Variants in CLCF1 observed in about 807,000 individuals in gnomAD.
CLCF1 encodes the protein cardiotrophin like cytokine factor 1, also known as cardiotrophin-like cytokine factor 1.
In CLCF1, 10 loss-of-function variants were observed where a neutral mutation model predicts 21.2. That is an observed-to-expected ratio of 0.47 (90% confidence interval 0.29 to 0.80). The LOEUF (loss-of-function observed/expected upper bound fraction) is 0.80, where lower values mean the gene tolerates loss of function less well. CLCF1 is among the 30% of genes least tolerant of loss of function. The probability of loss-of-function intolerance (pLI) is 0.09; values close to 1 mark genes in which losing one functional copy is unlikely to be tolerated. For synonymous variants in CLCF1, 115 were observed against 120.5 expected (o/e 0.95, Z 0.30); for missense variants, 240 against 293.4 (o/e 0.82, Z 1.33).
chr11:67,367,841 C>T (rs959399691), intron 1 of CLCF1: 13 of 985,290 alleles, frequency 1.3e-5, no homozygotes, highest in South Asian at 4.7e-5. Flanking sequence ...GGACTTGGCA[C>T]GCATGAGTGT....
Position 67,372,983 on chromosome 11 carries a change from C to T in CLCF1, c.16+541G>A, listed in dbSNP as rs1046627397. ...CCGTCCGGCCCGGCCCAGCCAGGCT[C>T]GGCGCTGCCCTCCGCCCTCCTCTCC... On this transcript the variant is annotated intron_variant, in intron 1 of 2. Coordinates refer to ENST00000312438, the MANE Select transcript of CLCF1 (RefSeq NM_013246.3). The surrounding 1 kb of genome is among the most constrained non-coding windows in gnomAD (Gnocchi z 5.9). 6.6e-6 allele frequency among the ~76,000 whole-genome samples: 1 copy of T among 150,620 alleles called. No individual in the cohort carries two copies. Among genetic ancestry groups the T allele is most frequent in the Non-Finnish European group, 1.5e-5 (1 of 67,400 alleles).
chr11:67,365,329 A>G lies in CLCF1; in HGVS notation c.485T>C (p.Leu162Pro). The G allele has an allele frequency of 6.2e-7, 1 of 1,613,712 alleles. No homozygotes were observed. Among genetic ancestry groups the G allele is most frequent in the Non-Finnish European group, 8.5e-7 (1 of 1,179,978 alleles). The change falls in exon 3 of 3, where the codon CTG becomes CCG. Residue 162 changes from leucine (L) to proline (P), a missense_variant. By Grantham distance (98) the Leu-to-Pro change is moderately conservative (BLOSUM62 -3). Coordinates refer to ENST00000312438, the MANE Select transcript of CLCF1 (RefSeq NM_013246.3). The surrounding 1 kb of genome is among the most constrained non-coding windows in gnomAD (Gnocchi z 5.0). ...AALGYPLPQPLPGTEPTWTPG... is the reference protein window; with the variant it reads ...AALGYPLPQPPPGTEPTWTPG... ...AGTCCAAGTGGGTTCAGTCCCAGGC[A>G]GCGGCTGGGGCAGTGGGTAGCCCAG... is the stretch of plus-strand genomic sequence containing the variant.
chr11:67,373,402 C>T (rs1590919476), intron 1 of CLCF1, 122 bp downstream of exon 1: 1 of 487,226 alleles, frequency 2.1e-6, no homozygotes, highest in Non-Finnish European at 3.4e-6. Flanking sequence ...CTCCCCCGGC[C>T]CGAGCCCAGC....
intron 1 of CLCF1, chr11:67,369,041 C>T (rs1011378801): frequency 6.1e-6 from 6 of 981,142 alleles, no homozygotes; most frequent in African/African-American, 5.4e-5. Flanking sequence ...ATAGGTATAA[C>T]GCTTTGCCCA....
intron 1 of CLCF1, chr11:67,370,372 G>GTCCCCCTC: frequency 1.0e-6 from 1 of 984,926 alleles, no homozygotes; most frequent in African/African-American, 1.7e-5. Flanking sequence ...TGTGTCCTAG[G>GTCCCCCTC]TCCCCCTCTC....
chr11:67,369,401 C>T (rs761026082), intron 1 of CLCF1: 29 of 985,398 alleles, frequency 2.9e-5, no homozygotes, highest in Non-Finnish European at 3.4e-5. Flanking sequence ...GAGACCAGCT[C>T]ACCCTTTCCT....
intron 1 of CLCF1, 51 bp from the exon 2 acceptor site, chr11:67,367,677 G>C (rs1403252518): frequency 1.3e-6 from 2 of 1,577,924 alleles, no homozygotes; most frequent in South Asian, 1.1e-5. Flanking sequence ...CCCACACGGG[G>C]AAGCAGCTGG....
At chr11:67,366,695 C>T (rs1047281699) in intron 2 of CLCF1, among the ~76,000 whole-genome samples, 14 of 151,980 alleles carry the variant, frequency 9.2e-5, no homozygotes, top group Admixed American at 7.2e-4. Context: ...CTGACAAGCA[C>T]AGAGACAAAC....
At position 67,365,151 on chromosome 11, in the gene CLCF1, C is replaced by T. The variant is rs1217607456; in HGVS notation, c.663G>A (p.Gly221=). The part of the protein sequence containing the change: ...PPAAAVTLHL[G]AHGF ...AGGTCAGAAGTCAGAAGCCATGAGCCCCCAGGTGCAGGGTGACTGCAGCTG... is the reference window on the plus strand; with the variant it reads ...AGGTCAGAAGTCAGAAGCCATGAGCTCCCAGGTGCAGGGTGACTGCAGCTG... Residue 221 remains glycine (G), a synonymous_variant, in exon 3 of 3, where the codon GGG becomes GGA. Transcript: ENST00000312438. The surrounding 1 kb of genome is among the most constrained non-coding windows in gnomAD (Gnocchi z 5.0). 3 of 1,610,176 alleles carry T rather than the reference C, an allele frequency of 1.9e-6. No individual in the cohort carries two copies. Among genetic ancestry groups the T allele is most frequent in the African/African-American group, 2.8e-5 (2 of 71,842 alleles).
rs900054166 is a variant in CLCF1 at position 67,370,513 on chromosome 11, C to T, written c.17-2887G>A. ...TCCGGCTGAGCACGTGAGGAGCTAA[C>T]GAGTACAGCTCACGTTTCCTGCAAC... is the stretch of plus-strand genomic sequence containing the variant. On this transcript the variant is annotated intron_variant, in intron 1 of 2. Transcript: ENST00000312438. 1.2e-4 allele frequency: 121 copies of T among 984,646 alleles called. No homozygotes were observed. The African/African-American group carries it at 1.9e-3, about 15-fold the overall frequency. The allele number at this position is 984,646 out of a possible 1,614,324, so 61.0% of individuals were successfully genotyped here. A position where few individuals can be genotyped will look rare whatever the true frequency, so the allele number is the denominator to read the frequency against.
At chr11:67,370,996 T>A (rs1862220064) in intron 1 of CLCF1, 1 of 985,258 alleles carries the variant, frequency 1.0e-6, no homozygotes, top group Non-Finnish European at 1.2e-6. Context: ...GGACCAGCGC[T>A]GGCTGCGGTT....
At chr11:67,370,049 G>C (rs1163187287) in intron 1 of CLCF1, 8 of 985,246 alleles carry the variant, frequency 8.1e-6, no homozygotes, top group Non-Finnish European at 9.6e-6. Context: ...GGATCCGACG[G>C]CCCACAGAAC....
At chr11:67,367,386 C>G (rs997948961) in intron 2 of CLCF1, 74 bp downstream of exon 2, 17 of 1,610,226 alleles carry the variant, frequency 1.1e-5, no homozygotes, top group Non-Finnish European at 1.4e-5. Context: ...TACCAGAACC[C>G]TCCACGGTTA....
chr11:67,365,689 A>G lies in CLCF1; in HGVS notation c.184-59T>C, dbSNP rs923612988. The G allele has an allele frequency of 2.0e-6, 3 of 1,531,256 alleles. No homozygotes were observed. Among genetic ancestry groups the G allele is most frequent in the African/African-American group, 1.4e-5 (1 of 72,224 alleles). The allele number at this position is 1,531,256 out of a possible 1,614,324, so 94.9% of individuals were successfully genotyped here. On this transcript the variant is annotated intron_variant, in intron 2 of 2. Transcript: ENST00000312438. This position sits in a 1 kb window ranked among gnomAD's most constrained non-coding sequence, Gnocchi z 5.0. ...GGGCAGAGCCGCTGGCTCACCACCA[A>G]GGAGATACCTGCTCCCAAAGTTTCT... is the stretch of plus-strand genomic sequence containing the variant.
At chr11:67,370,077 T>G in intron 1 of CLCF1, 1 of 985,186 alleles carries the variant, frequency 1.0e-6, no homozygotes, top group Non-Finnish European at 1.2e-6. Context: ...AGGGAAGGGT[T>G]CTCAGGAATC....
rs914649756 is a variant in CLCF1 at position 67,370,068 on chromosome 11, G to A, written c.17-2442C>T. On this transcript the variant is annotated intron_variant, in intron 1 of 2. Transcript: ENST00000312438. Reference sequence around the variant, plus strand: ...CCGACGGCCCACAGAACCAGAAAGAGGGAAGGGTTCTCAGGAATCCAGAGG... The same window carrying A: ...CCGACGGCCCACAGAACCAGAAAGAAGGAAGGGTTCTCAGGAATCCAGAGG... The A allele has an allele frequency of 9.1e-6, 9 of 985,410 alleles. No homozygotes were observed. In the African/African-American group the frequency reaches 1.4e-4, roughly 15 times the overall value. 61.0% of individuals were successfully genotyped at this position (985,410 alleles called of 1,614,324 possible). A position where few individuals can be genotyped will look rare whatever the true frequency, so the allele number is the denominator to read the frequency against.
intron 1 of CLCF1, 46 bp downstream of exon 1, chr11:67,373,478 C>G: frequency 1.9e-6 from 2 of 1,066,112 alleles, no homozygotes; most frequent in Non-Finnish European, 1.3e-6. Context: ...GATCTCGTGG[C>G]TGCTTGGCGG....
chr11:67,371,008 G>A (rs1862220708), intron 1 of CLCF1: 1 of 985,318 alleles, frequency 1.0e-6, no homozygotes, highest in Non-Finnish European at 1.2e-6. Context: ...GCTGCGGTTG[G>A]AGGGGTCTGT....
chr11:67,369,341 C>T (rs138871659), intron 1 of CLCF1: 54 of 981,124 alleles, frequency 5.5e-5, no homozygotes, highest in African/African-American at 2.6e-4. Flanking sequence ...TGTGTACACG[C>T]GTGTGTTTTA....
Sources: allele counts gnomAD v4.1 joint callset (sites outside exome capture counted in the v4.1 genomes callset), GRCh38; gene constraint gnomAD v4.1.1; non-coding constraint Gnocchi (gnomAD v3.1); transcripts MANE v1.5; gene names NCBI Gene and HGNC (gene_info 2026-07-23, HGNC 2026-07-21).